The following OPHN1 variants were observed in gnomAD, a reference collection of about 807,000 sequenced individuals.
OPHN1 encodes oligophrenin-1.
OPHN1 carries 11 observed loss-of-function variants against 60.7 expected under a neutral mutation model. The ratio of observed to expected loss-of-function variants is 0.18; its 90% CI spans 0.11 to 0.30. OPHN1 has a LOEUF of 0.30. Among genes scored for constraint, OPHN1 ranks in the 10% least tolerant of loss-of-function variants. The probability of loss-of-function intolerance (pLI) is 1.00; values close to 1 mark genes in which losing one functional copy is unlikely to be tolerated. For synonymous variants in OPHN1, 226 were observed against 222.6 expected (o/e 1.02, Z -0.14); for missense variants, 449 against 611.0 (o/e 0.73, Z 2.80).
At chrX:68,092,617 T>G (rs1361174357) in intron 19 of OPHN1, among the ~76,000 whole-genome samples, 1 of 111,611 alleles carries the variant, frequency 9.0e-6, no homozygotes, top group Non-Finnish European at 1.9e-5. Context: ...AAATCTCACT[T>G]AACAGCTGAC....
intron 15 of OPHN1, among the ~76,000 whole-genome samples, chrX:68,173,575 T>C (rs1297176452): frequency 2.7e-5 from 3 of 111,325 alleles, no homozygotes; most frequent in African/African-American, 6.5e-5. Flanking sequence ...GAAAGGCACA[T>C]TGTAAACATC....
chrX:68,429,189 A>AG (rs1207943679), intron 2 of OPHN1, among the ~76,000 whole-genome samples: 2 of 110,483 alleles, frequency 1.8e-5, no homozygotes, highest in Non-Finnish European at 3.8e-5. Context: ...TGGGAGGCCA[A>AG]GGGGGGGCGG....
At chrX:68,318,737 TCCAAGATCCCAC>T (rs1157454869) in intron 2 of OPHN1, among the ~76,000 whole-genome samples, 2 of 111,683 alleles carry the variant, frequency 1.8e-5, no homozygotes, top group Non-Finnish European at 3.8e-5. Context: ...CCAAATCCCA[TCCAAGATCCCAC>T]ATTACGTTTA....
rs895881508 is a variant in OPHN1 at position 68,283,506 on chromosome X, C to T, written c.251-389G>A. 4.9e-4 allele frequency among the ~76,000 whole-genome samples: 55 copies of T among 111,126 alleles called. 1 individual carries two copies. The highest frequency in any genetic ancestry group is 1.5e-4 in the Non-Finnish European group (8 of 53,035). The stretch of plus-strand genomic sequence containing the variant: ...ACTACTGACCAACCAGAGACTATTG[C>T]TGTAAAAACTAAATTGGATGGTGAA... On this transcript the variant is annotated intron_variant, in intron 3 of 24. Coordinates refer to ENST00000355520, the MANE Select transcript of OPHN1 (RefSeq NM_002547.3).
intron 18 of OPHN1, among the ~76,000 whole-genome samples, chrX:68,104,085 T>A (rs1436193156): frequency 9.0e-6 from 1 of 110,915 alleles, no homozygotes; most frequent in East Asian, 2.8e-4. Context: ...GAGAATAAAA[T>A]ACCTAGGAAT....
rs185997881 is a variant in OPHN1 at position 68,121,149 on chromosome X, C to T, written c.1277-1817G>A. Among the ~76,000 whole-genome samples the T allele has an allele frequency of 7.9e-4, 89 of 112,009 alleles. 1 individual carries two copies. In the East Asian group the frequency reaches 0.02, roughly 25 times the overall value. On this transcript the variant is annotated intron_variant, in intron 15 of 24. Coordinates refer to ENST00000355520, the MANE Select transcript of OPHN1 (RefSeq NM_002547.3). Reference sequence around the variant, plus strand: ...GCTAACGTAGACAAATGGAATTGCACCAAACTAAAAAGCTTCTGCAAAGAA... The same window carrying T: ...GCTAACGTAGACAAATGGAATTGCATCAAACTAAAAAGCTTCTGCAAAGAA...
intron 5 of OPHN1, among the ~76,000 whole-genome samples, chrX:68,259,224 G>A (rs982797824): frequency 8.1e-5 from 9 of 111,555 alleles, no homozygotes; most frequent in African/African-American, 2.9e-4. Flanking sequence ...GCCAAGGCTG[G>A]AGGATCACTT....
intron 21 of OPHN1, 136 bp from the exon 22 acceptor site, chrX:68,053,946 C>CT (rs1272740250): frequency 4.1e-6 from 2 of 482,601 alleles, no homozygotes; most frequent in Non-Finnish European, 6.1e-6. Flanking sequence ...ACAACTCTGG[C>CT]TATTTTTTTT....
chrX:68,088,593 G>T (rs2147391993), intron 19 of OPHN1, among the ~76,000 whole-genome samples: 1 of 111,512 alleles, frequency 9.0e-6, no homozygotes, highest in East Asian at 2.8e-4. Flanking sequence ...ATTAATAAAA[G>T]TATTAGGAGG....
chrX:68,068,249 A>C (rs1336444570), intron 20 of OPHN1, among the ~76,000 whole-genome samples: 5 of 109,999 alleles, frequency 4.5e-5, no homozygotes, highest in Non-Finnish European at 9.5e-5. Flanking sequence ...AGGTGGGCGA[A>C]TCATGAGGTC....
chrX:68,216,986 C>T (rs773968078), intron 6 of OPHN1, among the ~76,000 whole-genome samples: 52 of 111,979 alleles, frequency 4.6e-4, no homozygotes, highest in African/African-American at 1.5e-3. Flanking sequence ...ACGCAGAAGA[C>T]GGGTGACTTC....
intron 15 of OPHN1, among the ~76,000 whole-genome samples, chrX:68,136,295 T>TC (rs2077219125): frequency 3.9e-5 from 1 of 25,388 alleles, no homozygotes; most frequent in African/African-American, 6.0e-5. Flanking sequence ...TCTTTTCTTT[T>TC]TTTTTTTTTT....
At chrX:68,262,710 C>A (rs1230252241) in intron 5 of OPHN1, among the ~76,000 whole-genome samples, 1 of 111,836 alleles carries the variant, frequency 8.9e-6, no homozygotes, top group Non-Finnish European at 1.9e-5. Flanking sequence ...GCGCTTGAAC[C>A]CGGGAGGCGG....
At chrX:68,108,337 A>T (rs1169405150) in intron 18 of OPHN1, among the ~76,000 whole-genome samples, 1 of 112,204 alleles carries the variant, frequency 8.9e-6, no homozygotes, top group Non-Finnish European at 1.9e-5. Context: ...ATTTAAAAAC[A>T]AAAAACTGGG....
chrX:68,395,102 T>G (rs2078676562), intron 2 of OPHN1, among the ~76,000 whole-genome samples: 1 of 108,916 alleles, frequency 9.2e-6, no homozygotes, highest in South Asian at 4.1e-4. Flanking sequence ...ATTACAGGCA[T>G]GCACCACCAC....
intron 2 of OPHN1, among the ~76,000 whole-genome samples, chrX:68,357,778 T>C (rs774868429): frequency 1.1e-3 from 126 of 111,127 alleles, no homozygotes; most frequent in African/African-American, 3.3e-3. Context: ...AGTAATGGGA[T>C]TGCTGGGTCA....
chrX:68,357,502 G>A (rs1020493845), intron 2 of OPHN1, among the ~76,000 whole-genome samples: 4 of 109,065 alleles, frequency 3.7e-5, no homozygotes, highest in Non-Finnish European at 7.6e-5. Context: ...AACATGCGGC[G>A]TTTGGTTTTT....
intron 19 of OPHN1, among the ~76,000 whole-genome samples, chrX:68,078,028 T>C (rs1020561458): frequency 2.7e-5 from 3 of 111,865 alleles, no homozygotes; most frequent in Non-Finnish European, 5.6e-5. Flanking sequence ...ATAGTTGTCA[T>C]GATCAACTGA....
At chrX:68,195,067 A>G (rs60967937) in intron 12 of OPHN1, among the ~76,000 whole-genome samples, 94 of 73,398 alleles carry the variant, frequency 1.3e-3, no homozygotes, top group African/African-American at 3.9e-3. Flanking sequence ...AGGAAGGAAG[A>G]AAGAAAGAAA....
Sources: allele counts gnomAD v4.1 joint callset (sites outside exome capture counted in the v4.1 genomes callset), GRCh38; gene constraint gnomAD v4.1.1; transcripts MANE v1.5; gene names NCBI Gene and HGNC (gene_info 2026-07-23, HGNC 2026-07-21).